The following SYT14 variants were observed in gnomAD, a reference collection of about 807,000 sequenced individuals.
SYT14 encodes synaptotagmin 14.
Under a neutral mutation model 74.2 loss-of-function variants are expected in SYT14, and 32 were observed. The observed-to-expected ratio is 0.43, with a 90% CI of 0.33 to 0.58. SYT14 has a LOEUF of 0.58. Ranked by LOEUF, SYT14 falls within the 20% of genes least tolerant of loss-of-function variation. The pLI is 0.05. For missense variants in SYT14, 791 were observed against 981.8 expected (o/e 0.81, Z 2.60); for synonymous variants, 298 against 337.7 (o/e 0.88, Z 1.29).
chr1:210,123,419 G>A (rs2082506960), intron 7 of SYT14, among the ~76,000 whole-genome samples: 1 of 152,136 alleles, frequency 6.6e-6, no homozygotes, highest in Non-Finnish European at 1.5e-5. Flanking sequence ...ACACACCCAT[G>A]AATACTACCA....
Position 209,983,836 on chromosome 1 carries a change from A to G in SYT14, c.-485-29797A>G, listed in dbSNP as rs139295626. ...GAACACTCTATTGTGGTAAGTAGAA[A>G]TGAGATTGTCCTACTCCTCAGGGAT... On this transcript the variant is annotated intron_variant, in intron 2 of 9. Coordinates refer to ENST00000637265, the Ensembl canonical transcript of SYT14. 5.2e-4 allele frequency among the ~76,000 whole-genome samples: 79 copies of G among 152,322 alleles called. No individual in the cohort carries two copies. In the East Asian group the frequency reaches 0.013, roughly 24 times the overall value.
chr1:210,090,630 A>G (rs772589833), intron 5 of SYT14, among the ~76,000 whole-genome samples: 5 of 152,320 alleles, frequency 3.3e-5, no homozygotes, highest in African/African-American at 7.2e-5. Context: ...GGGGTATGAA[A>G]TTAGGTAATA....
At chr1:210,106,318 C>T (rs2082156671) in intron 7 of SYT14, among the ~76,000 whole-genome samples, 1 of 152,166 alleles carries the variant, frequency 6.6e-6, no homozygotes, top group Non-Finnish European at 1.5e-5. Flanking sequence ...AAAATAGTCC[C>T]TCAGAGTTGT....
chr1:210,155,287 T>C (rs748549166), intron 7 of SYT14, among the ~76,000 whole-genome samples: 1 of 152,204 alleles, frequency 6.6e-6, no homozygotes, highest in Non-Finnish European at 1.5e-5. Flanking sequence ...TATATCTCTG[T>C]GTTTTAGATG....
intron 5 of SYT14, among the ~76,000 whole-genome samples, chr1:210,042,847 G>T (rs1354684019): frequency 1.3e-5 from 2 of 152,016 alleles, no homozygotes; most frequent in Admixed American, 1.3e-4. Flanking sequence ...GCTCTTTTTT[G>T]GTTCCATATG....
chr1:210,012,898 C>T (rs1325505791), intron 2 of SYT14, among the ~76,000 whole-genome samples: 2 of 151,906 alleles, frequency 1.3e-5, no homozygotes, highest in Admixed American at 6.6e-5. Context: ...GACAGGGTTT[C>T]GCCACATTGG....
chr1:209,953,252 C>T, intron 2 of SYT14: 3 of 1,287,142 alleles, frequency 2.3e-6, no homozygotes, highest in Non-Finnish European at 3.0e-6. Flanking sequence ...AAAGTGGCCC[C>T]AGGAAAGGTA....
chr1:210,158,035 G>C lies in SYT14; in HGVS notation c.2225-1386G>C, dbSNP rs2083302400. Among the ~76,000 whole-genome samples, 4 of 152,142 alleles carry C rather than the reference G, an allele frequency of 2.6e-5. No homozygotes were observed. The South Asian group carries it at 8.3e-4, about 32-fold the overall frequency. On this transcript the variant is annotated intron_variant, in intron 8 of 9. Coordinates refer to ENST00000637265, the Ensembl canonical transcript of SYT14. ...ACTCCCCTAAGTCTGTTTCTTTATAGGTAAAATTAAGGTCATGTCTCTCAC... is the reference window on the plus strand; with the variant it reads ...ACTCCCCTAAGTCTGTTTCTTTATACGTAAAATTAAGGTCATGTCTCTCAC...
At chr1:210,128,216 T>G (rs2082607077) in intron 7 of SYT14, among the ~76,000 whole-genome samples, 1 of 151,542 alleles carries the variant, frequency 6.6e-6, no homozygotes, top group Non-Finnish European at 1.5e-5. Context: ...CTACAAAAAA[T>G]GTTTTAAAAA....
At chr1:209,990,152 G>T (rs1223050337) in intron 2 of SYT14, among the ~76,000 whole-genome samples, 2 of 152,010 alleles carry the variant, frequency 1.3e-5, no homozygotes, top group Non-Finnish European at 2.9e-5. Flanking sequence ...ATTGTAAACA[G>T]AATTCATTTT....
At chr1:210,118,298 C>T (rs1276223300) in intron 7 of SYT14, among the ~76,000 whole-genome samples, 1 of 152,086 alleles carries the variant, frequency 6.6e-6, no homozygotes, top group African/African-American at 2.4e-5. Context: ...CATTCAAATT[C>T]TAAATATTAA....
intron 5 of SYT14, among the ~76,000 whole-genome samples, chr1:210,046,688 T>C (rs1475942387): frequency 6.6e-6 from 1 of 152,192 alleles, no homozygotes; most frequent in Non-Finnish European, 1.5e-5. Context: ...CTTAGCAGGG[T>C]CAGTATTTCC....
intron 1 of SYT14, among the ~76,000 whole-genome samples, chr1:209,940,755 GT>G (rs898729851): frequency 1.3e-5 from 2 of 152,100 alleles, no homozygotes; most frequent in African/African-American, 4.8e-5. Context: ...CAGCTCTAGA[GT>G]GTTTTCTAGA....
intron 8 of SYT14, among the ~76,000 whole-genome samples, chr1:210,159,132 A>G (rs1402221512): frequency 1.3e-5 from 2 of 152,170 alleles, no homozygotes; most frequent in Non-Finnish European, 2.9e-5. Context: ...GCATGATTCT[A>G]TGTTCAATGT....
At chr1:210,011,956 C>T (rs866409205) in intron 2 of SYT14, among the ~76,000 whole-genome samples, 4 of 152,046 alleles carry the variant, frequency 2.6e-5, no homozygotes, top group Admixed American at 1.3e-4. Context: ...GAGAGACTGC[C>T]GAGGACTGGA....
chr1:210,079,892 A>G (rs962405373), intron 5 of SYT14, among the ~76,000 whole-genome samples: 2 of 152,196 alleles, frequency 1.3e-5, no homozygotes, highest in Non-Finnish European at 2.9e-5. Flanking sequence ...ATTTTGGACA[A>G]TCTTCCTTTC....
intron 7 of SYT14, among the ~76,000 whole-genome samples, chr1:210,103,761 G>A (rs910899643): frequency 3.3e-5 from 5 of 152,014 alleles, no homozygotes; most frequent in Admixed American, 3.3e-4. Flanking sequence ...ATCTCTAAAG[G>A]CCTATCCATC....
intron 5 of SYT14, among the ~76,000 whole-genome samples, chr1:210,057,935 C>A (rs1215604621): frequency 6.6e-6 from 1 of 152,154 alleles, no homozygotes; most frequent in Non-Finnish European, 1.5e-5. Flanking sequence ...AACTTTCTCT[C>A]CCTGTGTGTT....
Position 210,156,570 on chromosome 1 carries a change from C to G in SYT14, c.2224+660C>G, listed in dbSNP as rs371221519. On this transcript the variant is annotated intron_variant, in intron 8 of 9. Transcript: ENST00000637265. ...CTGTTACTCTTCTCTCTCTGGATCT[C>G]TCTCCCAGTTCAACAAGGCCAGGGT... 8.3e-4 allele frequency among the ~76,000 whole-genome samples: 126 copies of G among 151,916 alleles called. 1 individual carries two copies. Among genetic ancestry groups the G allele is most frequent in the African/African-American group, 2.9e-3 (119 of 41,436 alleles).
Sources: gnomAD v4.1 joint callset for allele counts (sites outside exome capture counted in the v4.1 genomes callset) on GRCh38, gnomAD v4.1.1 for gene constraint, MANE v1.5 for transcripts, NCBI Gene and HGNC (gene_info 2026-07-23, HGNC 2026-07-21) for gene names.